The following MMAB variants were observed in gnomAD, a reference collection of about 807,000 sequenced individuals.
MMAB encodes corrinoid adenosyltransferase MMAB.
MMAB carries 17 observed loss-of-function variants against 30.6 expected under a neutral mutation model. That is an observed-to-expected ratio of 0.56 (90% CI 0.38 to 0.83). The LOEUF (loss-of-function observed/expected upper bound fraction) is 0.83, where lower values mean the gene tolerates loss of function less well. Ranked by LOEUF, MMAB falls within the 40% of genes least tolerant of loss-of-function variation. The pLI is 0.00. For missense variants in MMAB, 311 were observed against 331.6 expected (o/e 0.94, Z 0.48); for synonymous variants, 134 against 138.6 (o/e 0.97, Z 0.23).
intron 3 of MMAB, chr12:109,567,241 G>A (rs538146954): frequency 5.6e-6 from 2 of 355,704 alleles, no homozygotes; most frequent in Non-Finnish European, 1.1e-5. Flanking sequence ...TGTCCTCAGG[G>A]TGAAACATGG....
chr12:109,568,528 A>G, intron 3 of MMAB: 1 of 600,286 alleles, frequency 1.7e-6, no homozygotes, highest in South Asian at 2.0e-5. Flanking sequence ...GATGAGAGGG[A>G]GGCAGCTTCA....
intron 3 of MMAB, chr12:109,567,011 C>A: frequency 4.4e-6 from 2 of 456,006 alleles, no homozygotes; most frequent in South Asian, 3.1e-5. Flanking sequence ...AAAATCTCAC[C>A]TAGTCAGGCC....
At chr12:109,570,806 G>A (rs1884604882) in intron 2 of MMAB, among the ~76,000 whole-genome samples, 1 of 148,486 alleles carries the variant, frequency 6.7e-6, no homozygotes, top group Non-Finnish European at 1.5e-5. Flanking sequence ...TCTGAAAGGT[G>A]GAGGCTGTTG....
chr12:109,570,137 C>T, intron 2 of MMAB: 1 of 283,772 alleles, frequency 3.5e-6, no homozygotes, highest in South Asian at 2.6e-5. Flanking sequence ...GTGATGCATG[C>T]CTGTAGTCCC....
chr12:109,570,455 T>A (rs1884593195), intron 2 of MMAB, among the ~76,000 whole-genome samples: 1 of 152,216 alleles, frequency 6.6e-6, no homozygotes, highest in African/African-American at 2.4e-5. Flanking sequence ...TGACCCTTCT[T>A]AAGTTTACCA....
intron 4 of MMAB, among the ~76,000 whole-genome samples, chr12:109,562,765 G>T (rs565274098): frequency 6.6e-6 from 1 of 152,370 alleles, no homozygotes; most frequent in Admixed American, 6.5e-5. Context: ...GATTCTGGGA[G>T]CAGGAAGCCT....
chr12:109,560,215 G>A (rs986318372), intron 7 of MMAB, among the ~76,000 whole-genome samples: 22 of 152,208 alleles, frequency 1.4e-4, no homozygotes, highest in African/African-American at 5.3e-4. Context: ...GTGTGGGACC[G>A]TGGAAGAGCT....
Position 109,561,072 on chromosome 12 carries a change from G to C in MMAB, c.552C>G (p.Phe184Leu). Reference protein sequence around the residue: ...SGGKISSALHFCRAVCRRAER... With the variant: ...SGGKISSALHLCRAVCRRAER... Reference sequence around the variant, plus strand: ...CGGCCCGGCGGCACACGGCCCGGCAGAAATGCAGCGCCGAGCTGATCTTGC... The same window carrying C: ...CGGCCCGGCGGCACACGGCCCGGCACAAATGCAGCGCCGAGCTGATCTTGC... The change falls in exon 7 of 9, where the codon TTC becomes TTG. Residue 184 changes from phenylalanine (F) to leucine (L), a missense_variant. Phe to Leu is a conservative substitution (Grantham distance 22). Transcript: ENST00000545712. The surrounding 1 kb of genome is among the most constrained non-coding windows in gnomAD (Gnocchi z 5.3). 1.9e-6 allele frequency: 3 copies of C among 1,591,014 alleles called. No individual in the cohort carries two copies. The highest frequency in any genetic ancestry group is 2.6e-6 in the Non-Finnish European group (3 of 1,167,438).
chr12:109,554,550 G>C lies in MMAB; in HGVS notation c.*2478C>G. 1 of 454,118 alleles carries C rather than the reference G, an allele frequency of 2.2e-6. No homozygotes were observed. The highest frequency in any genetic ancestry group is 4.4e-6 in the Non-Finnish European group (1 of 226,800). 28.1% of individuals were successfully genotyped at this position (454,118 alleles called of 1,614,324 possible). Reference sequence around the variant, plus strand: ...CGACTTTAAATAAAAACAGGCTGCTGTTTGTTTCAAAACCCCGTGTTCCCG... The same window carrying C: ...CGACTTTAAATAAAAACAGGCTGCTCTTTGTTTCAAAACCCCGTGTTCCCG... On this transcript the variant is annotated 3_prime_UTR_variant, in exon 9 of 9. Coordinates refer to ENST00000545712, the MANE Select transcript of MMAB (RefSeq NM_052845.4).
At position 109,561,067 on chromosome 12, in the gene MMAB, C is replaced by T. The variant is rs773059864; in HGVS notation, c.557G>A (p.Arg186Gln). ...TCTCTCGGCCCGGCGGCACACGGCCCGGCAGAAATGCAGCGCCGAGCTGAT... is the reference window on the plus strand; with the variant it reads ...TCTCTCGGCCCGGCGGCACACGGCCTGGCAGAAATGCAGCGCCGAGCTGAT... ...GKISSALHFC[R>Q]AVCRRAERRV... is the part of the protein sequence containing the mutation. Residue 186 changes from arginine (R) to glutamine (Q), a missense_variant, in exon 7 of 9, where the codon CGG becomes CAG. Transcript: ENST00000545712. The surrounding 1 kb of genome is among the most constrained non-coding windows in gnomAD (Gnocchi z 5.3). The T allele has an allele frequency of 7.4e-6, 12 of 1,610,882 alleles. No homozygotes were observed. Among genetic ancestry groups the T allele is most frequent in the African/African-American group, 1.3e-5 (1 of 74,828 alleles).
At chr12:109,560,961 T>G in intron 7 of MMAB, 79 bp downstream of exon 7, 2 of 996,978 alleles carry the variant, frequency 2.0e-6, no homozygotes, top group Non-Finnish European at 3.0e-6. Flanking sequence ...ATCTCCGTCC[T>G]CCTCTCCCTC....
At position 109,553,854 on chromosome 12, in the gene MMAB, C is replaced by A; in HGVS notation, c.*3174G>T. 1 of 454,006 alleles carries A rather than the reference C, an allele frequency of 2.2e-6. No individual in the cohort carries two copies. Among genetic ancestry groups the A allele is most frequent in the Non-Finnish European group, 4.4e-6 (1 of 226,746 alleles). 28.1% of individuals were successfully genotyped at this position (454,006 alleles called of 1,614,324 possible). The stretch of plus-strand genomic sequence containing the variant: ...AACTGAATGGGCTGTCGGAAGGTGT[C>A]GAGGCAGCAGCAAGGGTGACATTGC... On this transcript the variant is annotated 3_prime_UTR_variant, in exon 9 of 9. Transcript: ENST00000545712.
Position 109,561,798 on chromosome 12 carries a change from C to T in MMAB, c.403G>A (p.Ala135Thr), listed in dbSNP as rs35648932. ...GAATTACTTAAGTGAGCCTCCCGGG[C>T]CGAGGAGCATGGTGTCGCCAGGGCC... ...GSALATPCSS[A>T]REAHLKYTTF... The change falls in exon 5 of 9, where the codon GCC becomes ACC. Residue 135 changes from alanine (A) to threonine (T), a missense_variant. Ala to Thr is a moderately conservative substitution (Grantham distance 58). Coordinates refer to ENST00000545712, the MANE Select transcript of MMAB (RefSeq NM_052845.4). This position sits in a 1 kb window ranked among gnomAD's most constrained non-coding sequence, Gnocchi z 5.3. The T allele has an allele frequency of 4.6e-4, 742 of 1,609,506 alleles. 3 individuals carry two copies. In the African/African-American group the frequency reaches 8.9e-3, roughly 19 times the overall value.
rs925180956 is a variant in MMAB at position 109,561,467 on chromosome 12, C to T, written c.472G>A (p.Asp158Asn). The T allele has an allele frequency of 5.0e-5, 78 of 1,550,448 alleles. No individual in the cohort carries two copies. The highest frequency in any genetic ancestry group is 6.3e-5 in the Non-Finnish European group (72 of 1,146,978). ...GPILELEQWIDKYTSQLPPLT... is the reference protein window; with the variant it reads ...GPILELEQWINKYTSQLPPLT... ...GGTGGGAGCTGGCTGGTGTACTTGT[C>T]GATCCACTGCTCCAGCTCCAGGATG... Residue 158 changes from aspartate (D) to asparagine (N), a missense_variant, in exon 6 of 9, where the codon GAC (aspartate) becomes AAC (asparagine). By Grantham distance (23) the Asp-to-Asn change is conservative. Coordinates refer to ENST00000545712, the MANE Select transcript of MMAB (RefSeq NM_052845.4). This position sits in a 1 kb window ranked among gnomAD's most constrained non-coding sequence, Gnocchi z 5.3.
intron 7 of MMAB, 70 bp downstream of exon 7, chr12:109,560,970 T>TGGGGGGGGGGGGGGG: frequency 1.2e-6 from 1 of 808,202 alleles, no homozygotes. Flanking sequence ...CTCCTCTCCC[T>TGGGGGGGGGGGGGGG]CTCCCTCCCC....
In MMAB at chr12:109,573,488, G is replaced by C; in HGVS notation, c.-8C>G. 1 of 1,597,960 alleles carries C rather than the reference G, an allele frequency of 6.3e-7. No homozygotes were observed. The highest frequency in any genetic ancestry group is 1.3e-5 in the African/African-American group (1 of 74,860). The stretch of plus-strand genomic sequence containing the variant: ...CAGGCCGCACACAGCCATGAGCCAG[G>C]CTGCTTGACGGGACCTGACCCCGCC... On this transcript the variant is annotated 5_prime_UTR_variant, in exon 1 of 9. Transcript: ENST00000545712.
intron 7 of MMAB, among the ~76,000 whole-genome samples, chr12:109,559,658 A>G (rs1884121008): frequency 6.6e-6 from 1 of 152,208 alleles, no homozygotes; most frequent in Admixed American, 6.5e-5. Context: ...ATGCCAGTCT[A>G]TTTGCAGATA....
Position 109,558,272 on chromosome 12 carries a change from G to A in MMAB, c.644+824C>T, listed in dbSNP as rs941690600. 1.3e-5 allele frequency among the ~76,000 whole-genome samples: 2 copies of A among 152,160 alleles called. No homozygotes were observed. Among genetic ancestry groups the A allele is most frequent in the African/African-American group, 4.8e-5 (2 of 41,438 alleles). On this transcript the variant is annotated intron_variant, in intron 8 of 8. Transcript: ENST00000545712. This position sits in a 1 kb window ranked among gnomAD's most constrained non-coding sequence, Gnocchi z 4.3. ...TGGCCTGTCCCGTGCAATGCTATGGGACCGCAGGGTTGCTGCTTTGAAGGT... is the reference window on the plus strand; with the variant it reads ...TGGCCTGTCCCGTGCAATGCTATGGAACCGCAGGGTTGCTGCTTTGAAGGT...
chr12:109,563,654 G>A (rs1428130944), intron 4 of MMAB, among the ~76,000 whole-genome samples: 3 of 152,256 alleles, frequency 2.0e-5, no homozygotes, highest in South Asian at 2.1e-4. Flanking sequence ...GACCCAACGC[G>A]TACAGCAGAC....
Sources: gnomAD v4.1 joint callset for allele counts (sites outside exome capture counted in the v4.1 genomes callset) on GRCh38, gnomAD v4.1.1 for gene constraint, Gnocchi (gnomAD v3.1) non-coding constraint, MANE v1.5 for transcripts, NCBI Gene and HGNC (gene_info 2026-07-23, HGNC 2026-07-21) for gene names.